ASXL2: variants seen among roughly 807,000 people sequenced by gnomAD.
The protein encoded by ASXL2 is ASXL transcriptional regulator 2, also known as putative Polycomb group protein ASXL2.
A neutral mutation model predicts 122.0 loss-of-function variants in ASXL2; 23 were observed. The ratio of observed to expected loss-of-function variants is 0.19; its 90% CI spans 0.14 to 0.27. The LOEUF is 0.27. Ranked by LOEUF, ASXL2 falls within the 10% of genes least tolerant of loss-of-function variation. ASXL2 has a pLI of 1.00. For synonymous variants in ASXL2, 650 were observed against 637.0 expected (o/e 1.02, Z -0.31); for missense variants, 1,518 against 1,713.8 (o/e 0.89, Z 2.02).
At chr2:25,815,635 T>C (rs555897433) in intron 3 of ASXL2, among the ~76,000 whole-genome samples, 1 of 152,220 alleles carries the variant, frequency 6.6e-6, no homozygotes, top group Non-Finnish European at 1.5e-5. Flanking sequence ...ACCCAAAATA[T>C]CCAGCTCTAA....
At chr2:25,874,925 A>T (rs75910016) in intron 1 of ASXL2, among the ~76,000 whole-genome samples, 342 of 151,382 alleles carry the variant, frequency 2.3e-3, no homozygotes, top group African/African-American at 7.7e-3. Flanking sequence ...ACAAAAAAAA[A>T]TTTTTTAATT....
In ASXL2 at chr2:25,742,874, GGCT is replaced by G. The variant is rs1574389735; in HGVS notation, c.3460_3462del (p.Ser1154del). 1 of 1,613,932 alleles carries G rather than the reference GGCT, an allele frequency of 6.2e-7. No homozygotes were observed. The highest frequency in any genetic ancestry group is 8.5e-7 in the Non-Finnish European group (1 of 1,179,896). On this transcript the variant is annotated inframe_deletion, in exon 13 of 13. Transcript: ENST00000435504. ...TATCCCATTTTCAAGGCTTCAGTGGGGCTGCTTAGACAAAAACGATCTTCAGGG... is the reference window on the plus strand; with the variant it reads ...TATCCCATTTTCAAGGCTTCAGTGGGGCTTAGACAAAAACGATCTTCAGGG...
intron 1 of ASXL2, among the ~76,000 whole-genome samples, chr2:25,850,417 T>C (rs1045370350): frequency 7.9e-5 from 12 of 152,232 alleles, no homozygotes; most frequent in Non-Finnish European, 1.2e-4. Context: ...TAAACTGTAT[T>C]GTAGTTACAC....
intron 5 of ASXL2, among the ~76,000 whole-genome samples, chr2:25,789,423 C>A (rs936321780): frequency 6.6e-6 from 1 of 151,914 alleles, no homozygotes; most frequent in African/African-American, 2.4e-5. Flanking sequence ...CTTGTTTATG[C>A]TATTGGAAGT....
intron 5 of ASXL2, among the ~76,000 whole-genome samples, chr2:25,773,928 G>T (rs1442399331): frequency 6.6e-6 from 1 of 151,460 alleles, no homozygotes; most frequent in Non-Finnish European, 1.5e-5. Context: ...TACTCAGGAG[G>T]CTGAGGCAGG....
chr2:25,789,144 C>A (rs1382643606), intron 5 of ASXL2, among the ~76,000 whole-genome samples: 1 of 151,832 alleles, frequency 6.6e-6, no homozygotes, highest in Non-Finnish European at 1.5e-5. Flanking sequence ...TTTAGTTCTA[C>A]TGACTTTTTA....
intron 5 of ASXL2, among the ~76,000 whole-genome samples, chr2:25,773,334 G>A (rs2088487588): frequency 6.6e-6 from 1 of 152,050 alleles, no homozygotes; most frequent in Non-Finnish European, 1.5e-5. Context: ...GTTTAAAAAT[G>A]GAGTTGAATA....
Position 25,749,736 on chromosome 2 carries a change from C to T in ASXL2, c.1820G>A (p.Arg607Lys). The T allele has an allele frequency of 6.4e-7, 1 of 1,551,912 alleles. No individual in the cohort carries two copies. The highest frequency in any genetic ancestry group is 8.7e-7 in the Non-Finnish European group (1 of 1,155,586). Residue 607 changes from arginine to lysine, a missense_variant, in exon 12 of 13, where the codon AGA (arginine) becomes AAA (lysine). Coordinates refer to ENST00000435504, the MANE Select transcript of ASXL2 (RefSeq NM_018263.6). ...FQVSPQPFLN[R>K]GDRIQVRKVP... ...TTTTCGCACCTGGATTCTGTCCCCT[C>T]TATTGAGAAAGGGCTGTGGTGAGAC...
rs1218452528 is a variant in ASXL2, at chr2:25,734,763, A to G, written c.*7266T>C. ...ACAGCCCTAAATCCTGATTAGTGGC[A>G]AAAGCCACCACAGTTCAATAGAAAA... On this transcript the variant is annotated 3_prime_UTR_variant, in exon 13 of 13. Transcript: ENST00000435504. 1 of 152,242 alleles carries G rather than the reference A, an allele frequency of 6.6e-6. No homozygotes were observed. Among genetic ancestry groups the G allele is most frequent in the Non-Finnish European group, 1.5e-5 (1 of 68,030 alleles). The allele number at this position is 152,242 out of a possible 1,614,324, so 9.4% of individuals were successfully genotyped here. A position where few individuals can be genotyped will look rare whatever the true frequency, so the allele number is the denominator to read the frequency against.
At chr2:25,783,368 T>G (rs1489521124) in intron 5 of ASXL2, among the ~76,000 whole-genome samples, 1 of 151,820 alleles carries the variant, frequency 6.6e-6, no homozygotes, top group Admixed American at 6.6e-5. Flanking sequence ...GTTTTGAAAT[T>G]TCAACCTGAA....
At chr2:25,856,391 A>G (rs904372539) in intron 1 of ASXL2, 2 of 130,794 alleles carry the variant, frequency 1.5e-5, no homozygotes, top group Non-Finnish European at 1.6e-5. Context: ...TTTTGACACC[A>G]GTGTTTATTT....
At chr2:25,831,604 A>C (rs1040391740) in intron 3 of ASXL2, among the ~76,000 whole-genome samples, 6 of 152,202 alleles carry the variant, frequency 3.9e-5, no homozygotes, top group Admixed American at 6.5e-5. Flanking sequence ...CAGTGAGCTG[A>C]GATCGCACCA....
chr2:25,789,477 A>C (rs1175510011), intron 5 of ASXL2, among the ~76,000 whole-genome samples: 1 of 152,036 alleles, frequency 6.6e-6, no homozygotes, highest in Non-Finnish European at 1.5e-5. Context: ...ACCAGAAGAG[A>C]GCTCAGGGAG....
chr2:25,753,387 G>C, intron 11 of ASXL2, 147 bp downstream of exon 11: 1 of 528,324 alleles, frequency 1.9e-6, no homozygotes, highest in Non-Finnish European at 3.2e-6. Context: ...TCCTAAAGAA[G>C]AATCAGTGAG....
At position 25,743,706 on chromosome 2, in the gene ASXL2, A is replaced by C. The variant is rs1313095010; in HGVS notation, c.2631T>G (p.Ser877Arg). Residue 877 changes from serine (S) to arginine (R), a missense_variant, in exon 13 of 13, where the codon AGT becomes AGG. By Grantham distance (110) the Ser-to-Arg change is moderately radical (BLOSUM62 -1). Coordinates refer to ENST00000435504, the MANE Select transcript of ASXL2 (RefSeq NM_018263.6). ...GGGAGGGAGTTACAGCCACTGGCAC[A>C]CTAGCATCTGTCTTTGATGAGGCTG... ...NPSASSKTDA[S>R]VPVAVTPSPL... 4 of 1,614,028 alleles carry C rather than the reference A, an allele frequency of 2.5e-6. No individual in the cohort carries two copies. In the East Asian group the frequency reaches 8.9e-5, roughly 36 times the overall value.
chr2:25,784,928 T>C (rs2088712314), intron 5 of ASXL2, among the ~76,000 whole-genome samples: 1 of 152,254 alleles, frequency 6.6e-6, no homozygotes, highest in Admixed American at 6.5e-5. Context: ...ACACTTGTTT[T>C]TATTTAGCCT....
At chr2:25,832,156 C>T (rs1219824031) in intron 3 of ASXL2, among the ~76,000 whole-genome samples, 1 of 152,156 alleles carries the variant, frequency 6.6e-6, no homozygotes, top group Non-Finnish European at 1.5e-5. Context: ...TAGGTATATA[C>T]CACAGACTAT....
intron 3 of ASXL2, among the ~76,000 whole-genome samples, chr2:25,831,581 G>C (rs918424519): frequency 2.6e-5 from 4 of 152,112 alleles, no homozygotes; most frequent in African/African-American, 9.7e-5. Flanking sequence ...TTGAGCCCAG[G>C]AGGCTGATGC....
chr2:25,771,284 G>A (rs1461864652), intron 6 of ASXL2, among the ~76,000 whole-genome samples, 156 bp downstream of exon 6: 6 of 152,198 alleles, frequency 3.9e-5, no homozygotes, highest in Admixed American at 3.9e-4. Context: ...ACAAAGAGGT[G>A]CATAAATTAC....
Sources: gnomAD v4.1 joint callset for allele counts (sites outside exome capture counted in the v4.1 genomes callset) on GRCh38, gnomAD v4.1.1 for gene constraint, MANE v1.5 for transcripts, NCBI Gene and HGNC (gene_info 2026-07-23, HGNC 2026-07-21) for gene names.